Variants in BRD1 observed in about 807,000 individuals in gnomAD.
BRD1 encodes bromodomain-containing protein 1.
A neutral mutation model predicts 107.7 loss-of-function variants in BRD1; 24 were observed. The ratio of observed to expected loss-of-function variants is 0.22; its 90% CI spans 0.16 to 0.31. The LOEUF (loss-of-function observed/expected upper bound fraction) is 0.31. Among genes scored for constraint, BRD1 ranks in the 10% least tolerant of loss-of-function variants. The pLI is 1.00. For missense variants in BRD1, 1,279 were observed against 1,638.6 expected (o/e 0.78, Z 3.79); for synonymous variants, 744 against 686.1 (o/e 1.08, Z -1.32).
chr22:49,807,512 G>GA (rs2059768676), intron 2 of BRD1, among the ~76,000 whole-genome samples: 1 of 152,184 alleles, frequency 6.6e-6, no homozygotes, highest in Non-Finnish European at 1.5e-5. Flanking sequence ...ATTCAGAGGG[G>GA]AAAAGACAGT....
chr22:49,802,601 G>T (rs1426130052), intron 3 of BRD1, among the ~76,000 whole-genome samples: 1 of 9,918 alleles, frequency 1.0e-4, no homozygotes, highest in African/African-American at 5.5e-4. Context: ...CCAACATCGC[G>T]GGGGCCGAGA....
Position 49,798,025 on chromosome 22 carries a change from C to T in BRD1, c.1878G>A (p.Glu626=). 1.2e-6 allele frequency: 2 copies of T among 1,614,220 alleles called. No homozygotes were observed. The highest frequency in any genetic ancestry group is 1.6e-4 in the Middle Eastern group (1 of 6,062). The change falls in exon 6 of 13, where the codon GAG becomes GAA. Residue 626 remains glutamate (E), a synonymous_variant. Coordinates refer to ENST00000404760, the MANE Select transcript of BRD1 (RefSeq NM_001304808.3). ...TAATGAGATCAAAATCCTCCTCAAA[C>T]TCATGGAGGTTTTTATACCCTTGAG... is the stretch of plus-strand genomic sequence containing the variant. ...LEAQGYKNLH[E]FEEDFDLIID... is the part of the protein sequence containing the mutation.
chr22:49,787,088 A>G (rs951938641), intron 8 of BRD1, among the ~76,000 whole-genome samples: 14 of 152,108 alleles, frequency 9.2e-5, no homozygotes, highest in Admixed American at 7.2e-4. Context: ...TTAAAAAAAA[A>G]TCAGAGAGGA....
intron 2 of BRD1, among the ~76,000 whole-genome samples, chr22:49,814,226 T>C (rs1449211468): frequency 6.6e-6 from 1 of 152,174 alleles, no homozygotes; most frequent in Non-Finnish European, 1.5e-5. Flanking sequence ...AATGAAAAGA[T>C]ACACTCACCC....
intron 7 of BRD1, among the ~76,000 whole-genome samples, chr22:49,789,078 T>A (rs918198553): frequency 6.6e-6 from 1 of 152,184 alleles, no homozygotes. Flanking sequence ...CCTCTGATTT[T>A]AAATGACACT....
intron 2 of BRD1, among the ~76,000 whole-genome samples, chr22:49,810,979 A>G (rs776353636): frequency 1.3e-5 from 2 of 152,234 alleles, no homozygotes; most frequent in Non-Finnish European, 2.9e-5. Context: ...TAATAGCTCC[A>G]AAGTAGGAAA....
At position 49,798,038 on chromosome 22, in the gene BRD1, T is replaced by G; in HGVS notation, c.1865A>C (p.Lys622Thr). The G allele has an allele frequency of 6.2e-7, 1 of 1,614,248 alleles. No individual in the cohort carries two copies. The highest frequency in any genetic ancestry group is 8.5e-7 in the Non-Finnish European group (1 of 1,180,038). ...ATCCTCCTCAAACTCATGGAGGTTT[T>G]TATACCCTTGAGCTTCTAACCGTTT... ...MRKRLEAQGY[K>T]NLHEFEEDFD... Residue 622 changes from lysine to threonine, a missense_variant, in exon 6 of 13, where the codon AAA becomes ACA. Lys to Thr is a moderately conservative substitution (Grantham distance 78). This residue lies in a region of BRD1 where 406 missense variants were observed against 519.4 expected (regional missense o/e 0.78). Transcript: ENST00000404760.
intron 8 of BRD1, among the ~76,000 whole-genome samples, chr22:49,778,120 A>C (rs2059135685): frequency 6.6e-6 from 1 of 152,212 alleles, no homozygotes; most frequent in Non-Finnish European, 1.5e-5. Context: ...AGGCAAAGAA[A>C]GGATGCCGTG....
At chr22:49,818,649 A>G (rs2060002656) in intron 2 of BRD1, among the ~76,000 whole-genome samples, 1 of 152,130 alleles carries the variant, frequency 6.6e-6, no homozygotes, top group Non-Finnish European at 1.5e-5. Context: ...GCACTTTGGG[A>G]GGCAGAGGCA....
Position 49,794,816 on chromosome 22 carries a change from G to A in BRD1, c.2099-522C>T, listed in dbSNP as rs535480990. Among the ~76,000 whole-genome samples the A allele has an allele frequency of 2.8e-4, 43 of 152,282 alleles. 1 individual carries two copies. The South Asian group carries it at 8.5e-3, about 30-fold the overall frequency. On this transcript the variant is annotated intron_variant, in intron 6 of 12. Coordinates refer to ENST00000404760, the MANE Select transcript of BRD1 (RefSeq NM_001304808.3). ...TGATCATTGTGTGGCTTTAGTAAAC[G>A]GGTTGTAAAATTCACAGATCATTCT...
rs763695420 is a variant in BRD1 at position 49,823,019 on chromosome 22, A to G, written c.1299T>C (p.Ala433=). 6.2e-7 allele frequency: 1 copy of G among 1,614,236 alleles called. No homozygotes were observed. ...CGCAGGGCTCAGCCAGAGCTTTCTTAGCCTTTTTTGCCTTCTTCCTGACCT... is the reference window on the plus strand; with the variant it reads ...CGCAGGGCTCAGCCAGAGCTTTCTTGGCCTTTTTTGCCTTCTTCCTGACCT... The part of the protein sequence containing the change: ...TSKVRKKAKK[A]KKALAEPCAV... Residue 433 remains alanine, a synonymous_variant, in exon 2 of 13, where the codon GCT becomes GCC. Coordinates refer to ENST00000404760, the MANE Select transcript of BRD1 (RefSeq NM_001304808.3).
intron 7 of BRD1, among the ~76,000 whole-genome samples, chr22:49,791,189 G>C (rs2059426701): frequency 6.6e-6 from 1 of 152,244 alleles, no homozygotes; most frequent in South Asian, 2.1e-4. Flanking sequence ...GGGGAAGTCA[G>C]CCCTGGCAGG....
At chr22:49,800,046 C>T (rs1168952976) in intron 3 of BRD1, among the ~76,000 whole-genome samples, 1 of 152,206 alleles carries the variant, frequency 6.6e-6, no homozygotes, top group Non-Finnish European at 1.5e-5. Flanking sequence ...CAGCCGTGGC[C>T]ATCAGTTTCT....
At position 49,824,030 on chromosome 22, in the gene BRD1, T is replaced by C. The variant is rs1335229001; in HGVS notation, c.288A>G (p.Arg96=). The C allele has an allele frequency of 3.7e-6, 6 of 1,613,754 alleles. No individual in the cohort carries two copies. In the African/African-American group the frequency reaches 4.0e-5, roughly 11 times the overall value. The change falls in exon 2 of 13, where the codon AGA becomes AGG. Residue 96 remains arginine, a synonymous_variant. Transcript: ENST00000404760. This position sits in a 1 kb window ranked among gnomAD's most constrained non-coding sequence, Gnocchi z 5.9. ...GGAGGGCCTCGTTTTTCTTTTTGAC[T>C]CTGTTGTTTTTGTGACGCTTAGTTC... ...CLRTKRHKNN[R]VKKKNEALPS...
At chr22:49,808,480 T>C (rs1226024696) in intron 2 of BRD1, among the ~76,000 whole-genome samples, 2 of 152,096 alleles carry the variant, frequency 1.3e-5, no homozygotes, top group Non-Finnish European at 2.9e-5. Flanking sequence ...GTCAAATTCA[T>C]GGAGACAGGG....
chr22:49,775,798 C>A, intron 11 of BRD1, 53 bp from the exon 12 acceptor site: 5 of 1,553,180 alleles, frequency 3.2e-6, no homozygotes, highest in Non-Finnish European at 4.4e-6. Context: ...CCATAAACAA[C>A]CCCACCTGTC....
At chr22:49,784,201 G>A (rs1334570359) in intron 8 of BRD1, among the ~76,000 whole-genome samples, 1 of 148,660 alleles carries the variant, frequency 6.7e-6, no homozygotes, top group East Asian at 2.0e-4. Context: ...CGCAGCAGGG[G>A]TCTCCGCAAC....
chr22:49,826,511 T>A (rs1287917178), intron 1 of BRD1, among the ~76,000 whole-genome samples: 1 of 152,140 alleles, frequency 6.6e-6, no homozygotes, highest in Admixed American at 6.5e-5. Context: ...ATAATTCCCT[T>A]AAGTACATCG....
At chr22:49,797,293 G>A (rs1044643586) in intron 6 of BRD1, among the ~76,000 whole-genome samples, 15 of 152,356 alleles carry the variant, frequency 9.8e-5, no homozygotes, top group South Asian at 2.1e-4. Context: ...CGCAAACCAC[G>A]AAGTTAAAGG....
Sources: allele counts gnomAD v4.1 joint callset (sites outside exome capture counted in the v4.1 genomes callset), GRCh38; gene constraint gnomAD v4.1.1; regional missense constraint gnomAD v4.1.1; non-coding constraint Gnocchi (gnomAD v3.1); transcripts MANE v1.5; gene names NCBI Gene and HGNC (gene_info 2026-07-23, HGNC 2026-07-21).